Variants in TMEM123 observed in about 807,000 individuals in gnomAD.
TMEM123 encodes transmembrane protein 123, also known as porimin.
Under a neutral mutation model 19.7 loss-of-function variants are expected in TMEM123, and 16 were observed. The ratio of observed to expected loss-of-function variants is 0.81; its 90% CI spans 0.55 to 1.23. The LOEUF (loss-of-function observed/expected upper bound fraction) is 1.23. TMEM123 is among the 50% of genes most tolerant of loss of function. The pLI, the probability that TMEM123 is intolerant of heterozygous loss-of-function variation, is 0.00. For synonymous variants in TMEM123, 118 were observed against 99.4 expected (o/e 1.19, Z -1.12); for missense variants, 313 against 257.8 (o/e 1.21, Z -1.47).
In TMEM123 at chr11:102,410,087, A is replaced by G. The variant is rs186080219; in HGVS notation, c.158-7881T>C. Among the ~76,000 whole-genome samples the G allele has an allele frequency of 2.1e-3, 318 of 152,368 alleles. 1 individual carries two copies. Among genetic ancestry groups the G allele is most frequent in the Middle Eastern group, 6.8e-3 (2 of 294 alleles). On this transcript the variant is annotated intron_variant, in intron 2 of 4. Transcript: ENST00000398136. ...ACTAGGGATTCCAATAAGTTACAGT[A>G]TATCTGCAGTAAATTTACTACCACA...
At chr11:102,444,711 C>T (rs1274563916) in intron 2 of TMEM123, among the ~76,000 whole-genome samples, 1 of 151,834 alleles carries the variant, frequency 6.6e-6, no homozygotes, top group Non-Finnish European at 1.5e-5. Flanking sequence ...ATAAAAGATA[C>T]ATGCACACAC....
At chr11:102,444,438 G>T (rs117983416) in intron 2 of TMEM123, among the ~76,000 whole-genome samples, 2 of 150,736 alleles carry the variant, frequency 1.3e-5, no homozygotes, top group African/African-American at 4.9e-5. Context: ...AGCAAACTAC[G>T]GCAAGGAAGA....
chr11:102,428,142 G>A (rs1018369462), intron 2 of TMEM123, among the ~76,000 whole-genome samples: 14 of 151,828 alleles, frequency 9.2e-5, no homozygotes, highest in African/African-American at 3.1e-4. Context: ...TTTACTATTA[G>A]CTAAGAAGAA....
chr11:102,398,815 TA>T lies in TMEM123; in HGVS notation c.*51del. 6.3e-7 allele frequency: 1 copy of T among 1,584,660 alleles called. No individual in the cohort carries two copies. Among genetic ancestry groups the T allele is most frequent in the Non-Finnish European group, 8.6e-7 (1 of 1,165,100 alleles). Reference sequence around the variant, plus strand: ...TTTTAAACTATTAATAAACCAAAATTAATTGATAGGGCAGCATCAATCTGTA... The same window carrying T: ...TTTTAAACTATTAATAAACCAAAATTATTGATAGGGCAGCATCAATCTGTA... On this transcript the variant is annotated 3_prime_UTR_variant, in exon 5 of 5. Coordinates refer to ENST00000398136, the MANE Select transcript of TMEM123 (RefSeq NM_052932.3).
intron 2 of TMEM123, chr11:102,448,391 T>G: frequency 2.4e-6 from 1 of 424,318 alleles, no homozygotes; most frequent in Non-Finnish European, 4.7e-6. Flanking sequence ...GGGTGAAATG[T>G]AAGTAGGGTC....
At chr11:102,442,445 C>A (rs1006910317) in intron 2 of TMEM123, among the ~76,000 whole-genome samples, 7 of 152,156 alleles carry the variant, frequency 4.6e-5, no homozygotes, top group Admixed American at 4.6e-4. Flanking sequence ...ACGACAAAAA[C>A]CACATGATAA....
At chr11:102,423,958 A>G (rs906487393) in intron 2 of TMEM123, among the ~76,000 whole-genome samples, 1 of 152,238 alleles carries the variant, frequency 6.6e-6, no homozygotes. Context: ...TTTTAAACAA[A>G]TTCAGATTTT....
intron 2 of TMEM123, among the ~76,000 whole-genome samples, chr11:102,413,976 C>T (rs533580619): frequency 6.6e-6 from 1 of 152,146 alleles, no homozygotes; most frequent in Non-Finnish European, 1.5e-5. Context: ...AGTAAAATGA[C>T]ACAAGGGCTG....
intron 2 of TMEM123, among the ~76,000 whole-genome samples, chr11:102,438,619 C>T (rs1026931072): frequency 8.5e-5 from 13 of 152,170 alleles, no homozygotes; most frequent in East Asian, 3.8e-4. Flanking sequence ...TTACCAGCAA[C>T]GGGTTCCAAG....
intron 2 of TMEM123, among the ~76,000 whole-genome samples, chr11:102,422,377 G>C (rs930753150): frequency 4.6e-5 from 7 of 152,180 alleles, no homozygotes; most frequent in African/African-American, 1.4e-4. Context: ...GGGAGGCTGA[G>C]GCAGGAGAAT....
In TMEM123 at chr11:102,448,354, C is replaced by G. The variant is rs1011780529; in HGVS notation, c.157+458G>C. 1.8e-4 allele frequency: 82 copies of G among 450,606 alleles called. No homozygotes were observed. In the Admixed American group the frequency reaches 2.0e-3, roughly 11 times the overall value. The allele number at this position is 450,606 out of a possible 1,614,324, so 27.9% of individuals were successfully genotyped here. The stretch of plus-strand genomic sequence containing the variant: ...TAAAATCACAGGGTAAGGGCCTCAC[C>G]AAGTGTTTGGGTTGAGTCTGCCTAA... On this transcript the variant is annotated intron_variant, in intron 2 of 4. Coordinates refer to ENST00000398136, the MANE Select transcript of TMEM123 (RefSeq NM_052932.3).
intron 2 of TMEM123, among the ~76,000 whole-genome samples, chr11:102,445,160 C>T (rs1015555002): frequency 6.6e-6 from 1 of 151,976 alleles, no homozygotes; most frequent in Non-Finnish European, 1.5e-5. Context: ...CCCTAGAACT[C>T]GAAGTATAAA....
chr11:102,401,282 T>A (rs766634251), intron 4 of TMEM123, among the ~76,000 whole-genome samples: 1 of 152,208 alleles, frequency 6.6e-6, no homozygotes, highest in Non-Finnish European at 1.5e-5. Flanking sequence ...TAGGTTAACT[T>A]TGGTCTCCTG....
chr11:102,440,692 A>G (rs543480140), intron 2 of TMEM123, among the ~76,000 whole-genome samples: 1 of 152,358 alleles, frequency 6.6e-6, no homozygotes, highest in Admixed American at 6.5e-5. Context: ...CAAATCACAC[A>G]TAACAATATT....
At chr11:102,444,060 A>G (rs1857856215) in intron 2 of TMEM123, among the ~76,000 whole-genome samples, 2 of 152,224 alleles carry the variant, frequency 1.3e-5, no homozygotes, top group South Asian at 4.1e-4. Context: ...GATGCTGGAG[A>G]GGATGTGGAG....
In TMEM123 at chr11:102,396,645, GGTC is replaced by G. The variant is rs1951858348; in HGVS notation, c.*2219_*2221del. ...CATTTTTTTTATGCTTAAGAAATAT[GGTC>G]CAAAGCAAAATATTTTTTTGCATAA... is the stretch of plus-strand genomic sequence containing the variant. On this transcript the variant is annotated 3_prime_UTR_variant, in exon 5 of 5. Coordinates refer to ENST00000398136, the MANE Select transcript of TMEM123 (RefSeq NM_052932.3). 6.6e-6 allele frequency: 1 copy of G among 151,844 alleles called. No homozygotes were observed. The highest frequency in any genetic ancestry group is 2.4e-5 in the African/African-American group (1 of 41,316). 9.4% of individuals were successfully genotyped at this position (151,844 alleles called of 1,614,324 possible). A position where few individuals can be genotyped will look rare whatever the true frequency, so the allele number is the denominator to read the frequency against.
chr11:102,421,847 G>A (rs372429426), intron 2 of TMEM123, among the ~76,000 whole-genome samples: 4 of 152,068 alleles, frequency 2.6e-5, no homozygotes, highest in Admixed American at 2.0e-4. Context: ...AAAAAATTTC[G>A]CATGATCTGT....
chr11:102,416,376 A>G (rs1952044254), intron 2 of TMEM123, among the ~76,000 whole-genome samples: 1 of 152,192 alleles, frequency 6.6e-6, no homozygotes, highest in Non-Finnish European at 1.5e-5. Context: ...ACTATTATGA[A>G]CACCACTACG....
At chr11:102,424,995 G>C (rs937383752) in intron 2 of TMEM123, among the ~76,000 whole-genome samples, 3 of 152,176 alleles carry the variant, frequency 2.0e-5, no homozygotes, top group Non-Finnish European at 4.4e-5. Flanking sequence ...CAGAAAACCT[G>C]TTTGTTGAAA....
Sources: allele counts gnomAD v4.1 joint callset (sites outside exome capture counted in the v4.1 genomes callset), GRCh38; gene constraint gnomAD v4.1.1; transcripts MANE v1.5; gene names NCBI Gene and HGNC (gene_info 2026-07-23, HGNC 2026-07-21).